The following CDC14A variants were observed in gnomAD, a reference collection of about 807,000 sequenced individuals.
The protein encoded by CDC14A is cell division cycle 14A.
Under a neutral mutation model 74.4 loss-of-function variants are expected in CDC14A, and 53 were observed. The observed-to-expected ratio is 0.71, with a 90% CI of 0.57 to 0.89. The LOEUF (loss-of-function observed/expected upper bound fraction) is 0.89, where lower values mean the gene tolerates loss of function less well. CDC14A is among the 40% of genes least tolerant of loss of function. CDC14A has a pLI of 0.00. For missense variants in CDC14A, 646 were observed against 713.7 expected (o/e 0.91, Z 1.08); for synonymous variants, 247 against 258.4 (o/e 0.96, Z 0.43).
In CDC14A at chr1:100,498,007, T is replaced by C. The variant is rs1487996717; in HGVS notation, c.1299-78T>C. The C allele has an allele frequency of 4.8e-6, 7 of 1,444,632 alleles. No homozygotes were observed. In the Admixed American group the frequency reaches 1.4e-4, roughly 29 times the overall value. The allele number at this position is 1,444,632 out of a possible 1,614,324, so 89.5% of individuals were successfully genotyped here. On this transcript the variant is annotated intron_variant, in intron 13 of 15. Transcript: ENST00000336454. ...ATGATATCTTTAAGATTGATTAATT[T>C]ATCTTGTCCTAGTTAGTTGCTGAAT...
intron 9 of CDC14A, among the ~76,000 whole-genome samples, chr1:100,467,471 T>C (rs1667956958): frequency 6.6e-6 from 1 of 152,150 alleles, no homozygotes; most frequent in Non-Finnish European, 1.5e-5. Flanking sequence ...AATGTTTTCA[T>C]GGATGAAGTC....
At chr1:100,423,783 T>G (rs1408994262) in intron 4 of CDC14A, 1 of 164,208 alleles carries the variant, frequency 6.1e-6, no homozygotes, top group Non-Finnish European at 1.3e-5. Flanking sequence ...AAGAGTAGGC[T>G]GAAAATTCAG....
intron 4 of CDC14A, among the ~76,000 whole-genome samples, chr1:100,411,516 T>C (rs1347229044): frequency 1.3e-5 from 2 of 152,192 alleles, no homozygotes; most frequent in Non-Finnish European, 2.9e-5. Flanking sequence ...TTTTTGGGTG[T>C]GTGTAACAGA....
At chr1:100,347,089 C>T (rs1043708187) in intron 1 of CDC14A, among the ~76,000 whole-genome samples, 4 of 152,160 alleles carry the variant, frequency 2.6e-5, no homozygotes, top group African/African-American at 9.7e-5. Flanking sequence ...AGATATTATG[C>T]ATACATTATT....
intron 4 of CDC14A, among the ~76,000 whole-genome samples, chr1:100,401,065 G>A (rs1659197571): frequency 6.6e-6 from 1 of 152,160 alleles, no homozygotes; most frequent in African/African-American, 2.4e-5. Context: ...CTTATCAGTA[G>A]CTTTGGAATA....
intron 4 of CDC14A, among the ~76,000 whole-genome samples, chr1:100,401,761 G>A (rs1257351598): frequency 6.6e-6 from 1 of 152,088 alleles, no homozygotes; most frequent in East Asian, 1.9e-4. Flanking sequence ...TCATGGGGCC[G>A]GCCACGGTGG....
chr1:100,356,286 G>A (rs74103129), intron 2 of CDC14A, among the ~76,000 whole-genome samples: 349 of 152,268 alleles, frequency 2.3e-3, no homozygotes, highest in African/African-American at 8.1e-3. Flanking sequence ...CATTTATTGA[G>A]CATTTAAATG....
chr1:100,415,725 CAA>C (rs1292086933), intron 4 of CDC14A, among the ~76,000 whole-genome samples: 1 of 152,138 alleles, frequency 6.6e-6, no homozygotes, highest in Non-Finnish European at 1.5e-5. Context: ...GAATATAATA[CAA>C]GTTTTAAATA....
intron 15 of CDC14A, among the ~76,000 whole-genome samples, chr1:100,500,503 A>T (rs1040821104): frequency 1.3e-5 from 2 of 152,096 alleles, no homozygotes; most frequent in Admixed American, 1.3e-4. Flanking sequence ...CATGCCTATA[A>T]TCCCAGGACT....
At chr1:100,389,180 CA>C (rs1196346245) in intron 3 of CDC14A, among the ~76,000 whole-genome samples, 14,531 of 52,308 alleles carry the variant, frequency 0.28, 812 homozygotes, top group African/African-American at 0.39. Flanking sequence ...GACCCTGTCT[CA>C]AAAAAAAAAA....
chr1:100,405,134 A>G (rs778183665), intron 4 of CDC14A, among the ~76,000 whole-genome samples: 2 of 152,162 alleles, frequency 1.3e-5, no homozygotes, highest in Non-Finnish European at 2.9e-5. Flanking sequence ...CTTCTCTGAT[A>G]AACCTTTCCT....
chr1:100,393,265 G>A (rs1657960873), intron 4 of CDC14A: 1 of 1,396,150 alleles, frequency 7.2e-7, no homozygotes, highest in Non-Finnish European at 1.0e-6. Context: ...TTCTGTGCAT[G>A]TTCAATCATA....
intron 15 of CDC14A, among the ~76,000 whole-genome samples, chr1:100,505,592 T>G (rs927528445): frequency 6.6e-6 from 1 of 152,244 alleles, no homozygotes; most frequent in African/African-American, 2.4e-5. Flanking sequence ...ATAAGCTACT[T>G]ACTGATTGTT....
intron 4 of CDC14A, among the ~76,000 whole-genome samples, chr1:100,397,442 G>C (rs1282005846): frequency 1.3e-5 from 2 of 152,164 alleles, no homozygotes; most frequent in Admixed American, 6.5e-5. Flanking sequence ...TCTGATATGA[G>C]TTTGAAAAAG....
At position 100,390,388 on chromosome 1, in the gene CDC14A, G is replaced by C. The variant is rs116748116; in HGVS notation, c.217-344G>C. 3.2e-3 allele frequency among the ~76,000 whole-genome samples: 490 copies of C among 152,250 alleles called. 4 individuals carry two copies. The highest frequency in any genetic ancestry group is 0.011 in the African/African-American group (456 of 41,554). On this transcript the variant is annotated intron_variant, in intron 3 of 15. Transcript: ENST00000336454. Reference sequence around the variant, plus strand: ...TGGGAGTTGGAGTGGCATGTAGGGGGTAACAAAGTGTGAAGAGACTTTCTG... The same window carrying C: ...TGGGAGTTGGAGTGGCATGTAGGGGCTAACAAAGTGTGAAGAGACTTTCTG...
At chr1:100,430,410 G>A (rs1252554032) in intron 5 of CDC14A, among the ~76,000 whole-genome samples, 2 of 152,178 alleles carry the variant, frequency 1.3e-5, no homozygotes, top group East Asian at 1.9e-4. Context: ...GGTGTTTGTT[G>A]TGTTTTGGGG....
At chr1:100,381,519 C>T (rs1014432659) in intron 3 of CDC14A, among the ~76,000 whole-genome samples, 2 of 152,136 alleles carry the variant, frequency 1.3e-5, no homozygotes, top group Non-Finnish European at 2.9e-5. Context: ...TTTTCTTCCT[C>T]ATTCTGTGCT....
At chr1:100,380,130 A>G (rs1019367603) in intron 3 of CDC14A, among the ~76,000 whole-genome samples, 1 of 152,222 alleles carries the variant, frequency 6.6e-6, no homozygotes, top group South Asian at 2.1e-4. Context: ...GAATATAATA[A>G]AGACAGTTCT....
intron 5 of CDC14A, among the ~76,000 whole-genome samples, chr1:100,437,346 G>A (rs1383816014): frequency 1.3e-5 from 2 of 152,130 alleles, no homozygotes; most frequent in Non-Finnish European, 2.9e-5. Context: ...CACATGCCAC[G>A]ATTAAGCCAT....
Sources: allele counts gnomAD v4.1 joint callset (sites outside exome capture counted in the v4.1 genomes callset), GRCh38; gene constraint gnomAD v4.1.1; transcripts MANE v1.5; gene names NCBI Gene and HGNC (gene_info 2026-07-23, HGNC 2026-07-21).